VMP1: variants seen among roughly 807,000 people sequenced by gnomAD.
VMP1 encodes the protein vacuole membrane protein 1, also known as ectopic P-granules autophagy protein 3 homolog.
A neutral mutation model predicts 56.0 loss-of-function variants in VMP1; 11 were observed. That is an observed-to-expected ratio of 0.20 (90% CI 0.12 to 0.32). VMP1 has a LOEUF of 0.32. Among genes scored for constraint, VMP1 ranks in the 10% least tolerant of loss-of-function variants. The probability of loss-of-function intolerance (pLI) is 1.00; values close to 1 mark genes in which losing one functional copy is unlikely to be tolerated. For missense variants in VMP1, 296 were observed against 490.3 expected, an observed-to-expected ratio of 0.60 and a Z score of 3.74; for synonymous variants, 149 against 165.0, an observed-to-expected ratio of 0.90 and a Z score of 0.74.
chr17:59,841,208 T>G lies in VMP1; in HGVS notation c.*1297T>G. The G allele has an allele frequency of 2.2e-6, 1 of 445,452 alleles. No individual in the cohort carries two copies. The highest frequency in any genetic ancestry group is 2.0e-5 in the African/African-American group (1 of 50,404). 27.6% of individuals were successfully genotyped at this position (445,452 alleles called of 1,614,324 possible). On this transcript the variant is annotated 3_prime_UTR_variant, in exon 12 of 12. Transcript: ENST00000262291. Reference sequence around the variant, plus strand: ...TTGTTTTTGTTTTTTTATCAAATCCTGCCTGACTGTCTGCTTGTTTTGCCT... The same window carrying G: ...TTGTTTTTGTTTTTTTATCAAATCCGGCCTGACTGTCTGCTTGTTTTGCCT...
intron 10 of VMP1, among the ~76,000 whole-genome samples, chr17:59,819,385 C>T (rs1335521062): frequency 6.6e-6 from 1 of 152,112 alleles, no homozygotes; most frequent in Non-Finnish European, 1.5e-5. Flanking sequence ...TCAAGTAGTC[C>T]TCCCACCTCA....
At chr17:59,809,332 T>TTTG (rs2037964568) in intron 8 of VMP1, among the ~76,000 whole-genome samples, 1 of 78,286 alleles carries the variant, frequency 1.3e-5, no homozygotes. Flanking sequence ...TTTTTTTTTT[T>TTTG]GAGACAAGAG....
At chr17:59,763,043 T>C (rs1181094829) in intron 5 of VMP1, among the ~76,000 whole-genome samples, 2 of 152,136 alleles carry the variant, frequency 1.3e-5, no homozygotes, top group African/African-American at 2.4e-5. Context: ...GACAGTAACA[T>C]GGGGACAGCA....
At chr17:59,733,995 A>G (rs763254815) in intron 2 of VMP1, among the ~76,000 whole-genome samples, 1 of 152,138 alleles carries the variant, frequency 6.6e-6, no homozygotes, top group Non-Finnish European at 1.5e-5. Context: ...TGCGATCTAA[A>G]CCACTTTGTT....
intron 2 of VMP1, among the ~76,000 whole-genome samples, chr17:59,734,390 G>A (rs1384396246): frequency 1.3e-5 from 2 of 152,176 alleles, no homozygotes; most frequent in African/African-American, 4.8e-5. Flanking sequence ...AGGCTGGATG[G>A]AGCAGGACTG....
At chr17:59,774,226 A>T (rs1318706042) in intron 7 of VMP1, among the ~76,000 whole-genome samples, 1 of 152,160 alleles carries the variant, frequency 6.6e-6, no homozygotes, top group Non-Finnish European at 1.5e-5. Flanking sequence ...CTCTGAGTCC[A>T]AAATAATAGA....
intron 5 of VMP1, among the ~76,000 whole-genome samples, chr17:59,745,576 T>C (rs971512740): frequency 6.6e-6 from 1 of 152,246 alleles, no homozygotes; most frequent in Non-Finnish European, 1.5e-5. Flanking sequence ...ATTTTATCCT[T>C]ATTGGTCACC....
At chr17:59,781,772 G>A (rs966252503) in intron 7 of VMP1, among the ~76,000 whole-genome samples, 1 of 151,996 alleles carries the variant, frequency 6.6e-6, no homozygotes, top group African/African-American at 2.4e-5. Flanking sequence ...CATCTAACAG[G>A]TGCATATATC....
At chr17:59,821,539 C>A (rs960739291) in intron 10 of VMP1, among the ~76,000 whole-genome samples, 1 of 104,722 alleles carries the variant, frequency 9.5e-6, no homozygotes, top group East Asian at 2.5e-4. Context: ...AGCTACTTTT[C>A]TTTTTTTTTT....
At chr17:59,710,918 A>G (rs1242179336) in intron 1 of VMP1, among the ~76,000 whole-genome samples, 1 of 152,096 alleles carries the variant, frequency 6.6e-6, no homozygotes. Context: ...AAAAAATACA[A>G]AAAAATTAGC....
At chr17:59,713,688 T>C (rs2034026480) in intron 1 of VMP1, among the ~76,000 whole-genome samples, 1 of 148,952 alleles carries the variant, frequency 6.7e-6, no homozygotes, top group Admixed American at 6.7e-5. Flanking sequence ...TCTCTCTTTT[T>C]TTTTTTTTTT....
At chr17:59,751,692 C>T (rs545712556) in intron 5 of VMP1, among the ~76,000 whole-genome samples, 2 of 134,866 alleles carry the variant, frequency 1.5e-5, no homozygotes, top group East Asian at 2.3e-4. Context: ...TGCAGTGAGC[C>T]GAGATTGCGC....
At chr17:59,809,304 CTTTT>C (rs57274450) in intron 8 of VMP1, among the ~76,000 whole-genome samples, 2 of 33,430 alleles carry the variant, frequency 6.0e-5, no homozygotes, top group Non-Finnish European at 8.8e-5. Flanking sequence ...GCCCATTCAA[CTTTT>C]TTTTTTTTTT....
chr17:59,712,410 A>G (rs751039679), intron 1 of VMP1, among the ~76,000 whole-genome samples: 1 of 152,226 alleles, frequency 6.6e-6, no homozygotes, highest in Non-Finnish European at 1.5e-5. Flanking sequence ...TGTGTAAGCC[A>G]TAACACAGAA....
intron 10 of VMP1, among the ~76,000 whole-genome samples, chr17:59,832,487 T>C (rs757490160): frequency 3.9e-5 from 6 of 152,166 alleles, no homozygotes; most frequent in Admixed American, 1.3e-4. Context: ...AGGTATATTT[T>C]AGTCCTGCAG....
At chr17:59,810,720 G>A (rs2038027117) in intron 8 of VMP1, among the ~76,000 whole-genome samples, 1 of 152,134 alleles carries the variant, frequency 6.6e-6, no homozygotes, top group Admixed American at 6.6e-5. Context: ...TTCTAATTTA[G>A]TCATGTCTTT....
At chr17:59,801,613 G>C (rs1035682247) in intron 7 of VMP1, among the ~76,000 whole-genome samples, 6 of 151,980 alleles carry the variant, frequency 3.9e-5, no homozygotes, top group African/African-American at 1.5e-4. Flanking sequence ...AACATATTTA[G>C]GCCGGATGAG....
chr17:59,709,407 C>T (rs1185181710), intron 1 of VMP1, among the ~76,000 whole-genome samples: 1 of 152,218 alleles, frequency 6.6e-6, no homozygotes, highest in Non-Finnish European at 1.5e-5. Flanking sequence ...TGGGCTCCAA[C>T]ACTTGTTAAG....
intron 7 of VMP1, among the ~76,000 whole-genome samples, chr17:59,776,834 C>G (rs750210699): frequency 6.6e-6 from 1 of 152,200 alleles, no homozygotes; most frequent in Non-Finnish European, 1.5e-5. Flanking sequence ...TGCAGCTATA[C>G]ATTTTTTTGC....
Sources: gnomAD v4.1 joint callset for allele counts (sites outside exome capture counted in the v4.1 genomes callset) on GRCh38, gnomAD v4.1.1 for gene constraint, MANE v1.5 for transcripts, NCBI Gene and HGNC (gene_info 2026-07-23, HGNC 2026-07-21) for gene names.